The following AGO3 variants were observed in gnomAD, a reference collection of about 807,000 sequenced individuals.
AGO3 encodes the protein argonaute RISC catalytic component 3.
A neutral mutation model predicts 105.5 loss-of-function variants in AGO3; 16 were observed. The observed-to-expected ratio is 0.15, with a 90% CI of 0.10 to 0.23. The LOEUF (loss-of-function observed/expected upper bound fraction) is 0.23, where lower values mean the gene tolerates loss of function less well. Among genes scored for constraint, AGO3 ranks in the 10% least tolerant of loss-of-function variants. The pLI, the probability that AGO3 is intolerant of heterozygous loss-of-function variation, is 1.00. For synonymous variants in AGO3, 340 were observed against 367.3 expected (o/e 0.93, Z 0.85); for missense variants, 534 against 1,088.0 (o/e 0.49, Z 7.16).
intron 11 of AGO3, among the ~76,000 whole-genome samples, chr1:36,021,126 G>T (rs1398965602): frequency 2.0e-5 from 3 of 151,960 alleles, no homozygotes; most frequent in South Asian, 4.1e-4. Context: ...TTGAGATGGG[G>T]TTTCATCATG....
intron 5 of AGO3, among the ~76,000 whole-genome samples, chr1:36,003,786 T>G (rs987384509): frequency 1.3e-5 from 2 of 148,784 alleles, no homozygotes; most frequent in Non-Finnish European, 3.0e-5. Flanking sequence ...TACCACTGTT[T>G]TTTCAAATCA....
chr1:36,008,824 T>A lies in AGO3; in HGVS notation c.881+47T>A, dbSNP rs1284999354. The A allele has an allele frequency of 1.2e-6, 2 of 1,613,922 alleles. No homozygotes were observed. The highest frequency in any genetic ancestry group is 3.3e-5 in the Admixed American group (2 of 59,978). The stretch of plus-strand genomic sequence containing the variant: ...AGCGATGGTGTGAGGCAGCTTGCTC[T>A]AGTTAGTGGGGTTGGGAGTTTTTCT... On this transcript the variant is annotated intron_variant, in intron 7 of 18. Coordinates refer to ENST00000373191, the MANE Select transcript of AGO3 (RefSeq NM_024852.4). The surrounding 1 kb of genome is among the most constrained non-coding windows in gnomAD (Gnocchi z 5.1).
At chr1:35,993,598 A>G (rs1372579872) in intron 5 of AGO3, among the ~76,000 whole-genome samples, 1 of 152,154 alleles carries the variant, frequency 6.6e-6, no homozygotes, top group African/African-American at 2.4e-5. Flanking sequence ...AAGAAATTGA[A>G]TTCACAATTC....
chr1:36,050,562 C>T (rs1642669028), intron 17 of AGO3, among the ~76,000 whole-genome samples: 1 of 151,098 alleles, frequency 6.6e-6, no homozygotes, highest in Admixed American at 6.6e-5. Flanking sequence ...GAGGCTGAGG[C>T]AGGTGGATCA....
rs774803676 is a variant in AGO3, at chr1:36,027,320, A to G, written c.1591+22A>G. 4 of 1,564,912 alleles carry G rather than the reference A, an allele frequency of 2.6e-6. No individual in the cohort carries two copies. The highest frequency in any genetic ancestry group is 4.5e-5 in the East Asian group (2 of 44,298). On this transcript the variant is annotated intron_variant, in intron 12 of 18. Transcript: ENST00000373191. This position sits in a 1 kb window ranked among gnomAD's most constrained non-coding sequence, Gnocchi z 4.0. Reference sequence around the variant, plus strand: ...TATGGTAAGGATATCTTAAGACTGCATTTTTCCTCAAGTACTTGATGTCCT... The same window carrying G: ...TATGGTAAGGATATCTTAAGACTGCGTTTTTCCTCAAGTACTTGATGTCCT...
At chr1:35,975,152 T>A (rs940385009) in intron 5 of AGO3, among the ~76,000 whole-genome samples, 3 of 152,318 alleles carry the variant, frequency 2.0e-5, no homozygotes, top group Middle Eastern at 6.8e-3. Context: ...TATTAATATT[T>A]GTAATTTGTA....
At chr1:35,961,469 A>C (rs970728130) in intron 2 of AGO3, among the ~76,000 whole-genome samples, 3 of 152,144 alleles carry the variant, frequency 2.0e-5, no homozygotes, top group Non-Finnish European at 4.4e-5. Flanking sequence ...AAAATGTCTA[A>C]TGTTCCAACT....
chr1:35,981,984 C>T (rs1010606095), intron 5 of AGO3, among the ~76,000 whole-genome samples: 13 of 152,140 alleles, frequency 8.5e-5, no homozygotes, highest in African/African-American at 3.1e-4. Flanking sequence ...TTATTATCCC[C>T]TAGTTTCACT....
At chr1:36,040,252 G>T in intron 15 of AGO3, 55 bp from the exon 16 acceptor site, 1 of 1,549,712 alleles carries the variant, frequency 6.5e-7, no homozygotes. Flanking sequence ...CTACTTTGAA[G>T]TATATAAAAA....
intron 5 of AGO3, among the ~76,000 whole-genome samples, chr1:35,978,072 A>G (rs1433483180): frequency 6.6e-6 from 1 of 152,202 alleles, no homozygotes; most frequent in Non-Finnish European, 1.5e-5. Flanking sequence ...ACTGAAACCT[A>G]TAATAAAGAA....
chr1:36,048,440 A>G (rs1264334229), intron 17 of AGO3, among the ~76,000 whole-genome samples: 2 of 152,224 alleles, frequency 1.3e-5, no homozygotes, highest in African/African-American at 4.8e-5. Flanking sequence ...CGAGGGAGGC[A>G]AAAAGTCAAT....
Position 36,059,731 on chromosome 1 carries a change from GT to G in AGO3, c.*3988del, listed in dbSNP as rs1643005681. 1 of 152,070 alleles carries G rather than the reference GT, an allele frequency of 6.6e-6. No homozygotes were observed. Among genetic ancestry groups the G allele is most frequent in the African/African-American group, 2.4e-5 (1 of 41,414 alleles). 9.4% of individuals were successfully genotyped at this position (152,070 alleles called of 1,614,324 possible). Reference sequence around the variant, plus strand: ...ATATTTATTTAAGTAGATTCTGACAGTTACTGCACTAAACAGTAAGGAGATA... The same window carrying G: ...ATATTTATTTAAGTAGATTCTGACAGTACTGCACTAAACAGTAAGGAGATA... On this transcript the variant is annotated 3_prime_UTR_variant, in exon 19 of 19. Transcript: ENST00000373191.
intron 11 of AGO3, among the ~76,000 whole-genome samples, chr1:36,025,739 A>G (rs1462719701): frequency 6.6e-6 from 1 of 152,160 alleles, no homozygotes; most frequent in African/African-American, 2.4e-5. Context: ...AAAATTTTCT[A>G]TAAATATGAA....
intron 12 of AGO3, among the ~76,000 whole-genome samples, chr1:36,032,970 C>CA (rs1247853406): frequency 0.025 from 3,480 of 141,990 alleles, 91 homozygotes; most frequent in African/African-American, 0.073. Context: ...ACTAAAAATA[C>CA]AAAAAAAAAA....
chr1:35,986,618 G>A (rs1186418503), intron 5 of AGO3, among the ~76,000 whole-genome samples: 2 of 152,068 alleles, frequency 1.3e-5, no homozygotes. Context: ...AACCCAGGAG[G>A]TGGAGGTTGC....
At chr1:35,963,568 G>A (rs1280312308) in intron 2 of AGO3, among the ~76,000 whole-genome samples, 3 of 151,844 alleles carry the variant, frequency 2.0e-5, no homozygotes, top group Non-Finnish European at 4.4e-5. Flanking sequence ...TACAGATGAT[G>A]ATAACACACC....
In AGO3 at chr1:36,036,072, T is replaced by C. The variant is rs569585016; in HGVS notation, c.1752-105T>C. On this transcript the variant is annotated intron_variant, in intron 13 of 18. Coordinates refer to ENST00000373191, the MANE Select transcript of AGO3 (RefSeq NM_024852.4). ...AAAAAAATTTGGATTACATAGGACT[T>C]CCTCTGTGCTGTCAATAACTTGAAG... 2.7e-4 allele frequency: 273 copies of C among 1,019,474 alleles called. 1 individual carries two copies. In the African/African-American group the frequency reaches 4.2e-3, roughly 16 times the overall value. 63.2% of individuals were successfully genotyped at this position (1,019,474 alleles called of 1,614,324 possible). A position where few individuals can be genotyped will look rare whatever the true frequency, so the allele number is the denominator to read the frequency against.
Position 36,027,109 on chromosome 1 carries a change from T to C in AGO3, c.1407-5T>C. 6.2e-7 allele frequency: 1 copy of C among 1,610,494 alleles called. No individual in the cohort carries two copies. The highest frequency in any genetic ancestry group is 8.5e-7 in the Non-Finnish European group (1 of 1,178,432). On this transcript the variant is annotated splice_region_variant and splice_polypyrimidine_tract_variant and intron_variant, in intron 11 of 18. Coordinates refer to ENST00000373191, the MANE Select transcript of AGO3 (RefSeq NM_024852.4). The surrounding 1 kb of genome is among the most constrained non-coding windows in gnomAD (Gnocchi z 4.0). ...GGTTTTATATTTAGTGGTTTCTCCT[T>C]CCAGGGGTTTCACAGACCAGCTGCG...
intron 16 of AGO3, 65 bp from the exon 17 acceptor site, chr1:36,043,366 TATTCATACATTTTTTA>T: frequency 1.9e-6 from 2 of 1,056,414 alleles, no homozygotes; most frequent in East Asian, 5.0e-5. Flanking sequence ...TCAGCCTATG[TATTCATACATTTTTTA>T]AAGTGCTTTC....
Sources: allele counts gnomAD v4.1 joint callset (sites outside exome capture counted in the v4.1 genomes callset), GRCh38; gene constraint gnomAD v4.1.1; non-coding constraint Gnocchi (gnomAD v3.1); transcripts MANE v1.5; gene names NCBI Gene and HGNC (gene_info 2026-07-23, HGNC 2026-07-21).